NBEA: variants seen among roughly 807,000 people sequenced by gnomAD.
NBEA encodes the protein neurobeachin.
A neutral mutation model predicts 343.4 loss-of-function variants in NBEA; 44 were observed. The ratio of observed to expected loss-of-function variants is 0.13; its 90% CI spans 0.10 to 0.16. The LOEUF (loss-of-function observed/expected upper bound fraction) is 0.16, where lower values mean the gene tolerates loss of function less well. NBEA is among the 10% of genes least tolerant of loss of function. The pLI is 1.00. For synonymous variants in NBEA, 1,175 were observed against 1,238.7 expected, an observed-to-expected ratio of 0.95 and a Z score of 1.08; for missense variants, 2,555 against 3,631.3, an observed-to-expected ratio of 0.70 and a Z score of 7.62.
chr13:35,298,225 A>G (rs868050029), intron 35 of NBEA, among the ~76,000 whole-genome samples: 20,716 of 130,750 alleles, frequency 0.16, 1,909 homozygotes, highest in Middle Eastern at 0.28. Context: ...ATATATATAT[A>G]TATATATATA....
intron 17 of NBEA, among the ~76,000 whole-genome samples, chr13:35,126,947 A>G (rs2067167923): frequency 1.3e-5 from 2 of 151,812 alleles, no homozygotes; most frequent in African/African-American, 4.8e-5. Context: ...CCAAAATAAT[A>G]ATAATGGCAT....
chr13:35,439,876 A>AT (rs983097825), intron 39 of NBEA, among the ~76,000 whole-genome samples: 10 of 151,560 alleles, frequency 6.6e-5, no homozygotes, highest in South Asian at 2.1e-4. Context: ...TACTTGATTG[A>AT]TTTTTTTTGT....
chr13:35,086,173 C>T (rs1371460057), intron 10 of NBEA, among the ~76,000 whole-genome samples: 1 of 152,072 alleles, frequency 6.6e-6, no homozygotes, highest in Non-Finnish European at 1.5e-5. Context: ...TTTATAGATT[C>T]AGTGCCATCC....
At chr13:35,306,297 A>G (rs970724366) in intron 35 of NBEA, among the ~76,000 whole-genome samples, 1 of 152,038 alleles carries the variant, frequency 6.6e-6, no homozygotes, top group Admixed American at 6.6e-5. Flanking sequence ...AAAATATTTG[A>G]AATTCCTTTG....
chr13:35,059,641 ATAAT>A (rs996814076), intron 8 of NBEA, among the ~76,000 whole-genome samples: 29 of 151,768 alleles, frequency 1.9e-4, no homozygotes, highest in African/African-American at 6.3e-4. Context: ...CTCAATTTAA[ATAAT>A]TAATGTGAAG....
rs544443107 is a variant in NBEA, at chr13:35,541,420, T to C, written c.6586-9057T>C. 1.0e-3 allele frequency among the ~76,000 whole-genome samples: 154 copies of C among 152,096 alleles called. 1 individual carries two copies. The highest frequency in any genetic ancestry group is 3.5e-3 in the African/African-American group (145 of 41,508). On this transcript the variant is annotated intron_variant, in intron 41 of 58. Transcript: ENST00000379939. ...TTAAAGGAACGGAAGAAAAATAAAA[T>C]TGATAAACCATGAGGACACTTGGTA...
At chr13:35,542,834 T>G (rs2078896354) in intron 41 of NBEA, among the ~76,000 whole-genome samples, 1 of 152,094 alleles carries the variant, frequency 6.6e-6, no homozygotes, top group African/African-American at 2.4e-5. Context: ...TTGATTACTA[T>G]TATCATCTGT....
At chr13:35,443,355 A>G (rs1008305124) in intron 39 of NBEA, among the ~76,000 whole-genome samples, 1 of 152,102 alleles carries the variant, frequency 6.6e-6, no homozygotes, top group African/African-American at 2.4e-5. Context: ...CACGTAAGGA[A>G]TAGCATTTTT....
intron 34 of NBEA, among the ~76,000 whole-genome samples, chr13:35,283,106 A>G (rs2035165465): frequency 6.6e-6 from 1 of 152,152 alleles, no homozygotes; most frequent in Non-Finnish European, 1.5e-5. Context: ...AACCATCACT[A>G]TAGATTCCTT....
At chr13:35,404,810 A>G (rs983992715) in intron 38 of NBEA, among the ~76,000 whole-genome samples, 2 of 152,152 alleles carry the variant, frequency 1.3e-5, no homozygotes, top group Non-Finnish European at 2.9e-5. Context: ...ATTTACAAGC[A>G]AGAGTATTTT....
At chr13:35,577,565 T>A (rs1489362716) in intron 45 of NBEA, among the ~76,000 whole-genome samples, 1 of 152,142 alleles carries the variant, frequency 6.6e-6, no homozygotes, top group Non-Finnish European at 1.5e-5. Flanking sequence ...CTAGCTCTTA[T>A]GTGCTATGAA....
At chr13:35,095,618 C>T (rs1481805786) in intron 10 of NBEA, among the ~76,000 whole-genome samples, 1 of 151,804 alleles carries the variant, frequency 6.6e-6, no homozygotes, top group Admixed American at 6.6e-5. Context: ...AGGTTATTAA[C>T]ATCATTTTCC....
At chr13:35,192,298 A>G (rs1344407542) in intron 30 of NBEA, among the ~76,000 whole-genome samples, 1 of 152,036 alleles carries the variant, frequency 6.6e-6, no homozygotes, top group Non-Finnish European at 1.5e-5. Flanking sequence ...AGTTTATGGT[A>G]TCAACTGAGA....
At position 35,452,796 on chromosome 13, in the gene NBEA, G is replaced by T. The variant is rs1264067066; in HGVS notation, c.6448+561G>T. Among the ~76,000 whole-genome samples the T allele has an allele frequency of 3.9e-5, 6 of 152,218 alleles. 1 individual carries two copies. The highest frequency in any genetic ancestry group is 2.0e-4 in the Admixed American group (3 of 15,284). On this transcript the variant is annotated intron_variant, in intron 40 of 58. Transcript: ENST00000379939. ...TCTGGATGTGATTCTACAGTGAGCA[G>T]ATGGGGTATAGATATCTTAGTGTAT... is the stretch of plus-strand genomic sequence containing the variant.
At chr13:34,987,230 A>G (rs1382882282) in intron 1 of NBEA, among the ~76,000 whole-genome samples, 1 of 150,886 alleles carries the variant, frequency 6.6e-6, no homozygotes, top group Non-Finnish European at 1.5e-5. Context: ...TTGTCTGTAA[A>G]GGATTTTATT....
intron 17 of NBEA, among the ~76,000 whole-genome samples, chr13:35,139,759 T>TTTTTG (rs1555316354): frequency 1.4e-5 from 2 of 146,052 alleles, no homozygotes; most frequent in Non-Finnish European, 3.0e-5. Flanking sequence ...TTTTTTTTTT[T>TTTTTG]TTTTTTTTTT....
intron 36 of NBEA, among the ~76,000 whole-genome samples, chr13:35,315,872 CTTGAGT>C (rs1026285486): frequency 7.9e-5 from 12 of 151,928 alleles, no homozygotes; most frequent in Admixed American, 7.2e-4. Flanking sequence ...CATTGGTTTG[CTTGAGT>C]TTATTTCTCT....
At chr13:35,012,719 A>G (rs1285090424) in intron 1 of NBEA, among the ~76,000 whole-genome samples, 1 of 152,202 alleles carries the variant, frequency 6.6e-6, no homozygotes, top group African/African-American at 2.4e-5. Context: ...AAATAAAACA[A>G]TGGTTATATA....
At chr13:35,399,061 T>C (rs904921348) in intron 38 of NBEA, among the ~76,000 whole-genome samples, 1 of 152,158 alleles carries the variant, frequency 6.6e-6, no homozygotes, top group African/African-American at 2.4e-5. Flanking sequence ...ATCTTGCACT[T>C]TTACAGTATG....
Sources: allele counts gnomAD v4.1 joint callset (sites outside exome capture counted in the v4.1 genomes callset), GRCh38; gene constraint gnomAD v4.1.1; transcripts MANE v1.5; gene names NCBI Gene and HGNC (gene_info 2026-07-23, HGNC 2026-07-21).